Variants in ZZEF1 observed in about 807,000 individuals in gnomAD.
ZZEF1 encodes zinc finger ZZ-type and EF-hand domain-containing protein 1.
A neutral mutation model predicts 342.8 loss-of-function variants in ZZEF1; 157 were observed. The ratio of observed to expected loss-of-function variants is 0.46; its 90% CI spans 0.40 to 0.52. The LOEUF (loss-of-function observed/expected upper bound fraction) is 0.52, where lower values mean the gene tolerates loss of function less well. Ranked by LOEUF, ZZEF1 falls within the 20% of genes least tolerant of loss-of-function variation. The pLI is 0.00. For missense variants in ZZEF1, 3,480 were observed against 3,725.6 expected (o/e 0.93, Z 1.72); for synonymous variants, 1,505 against 1,429.1 (o/e 1.05, Z -1.20).
At chr17:4,057,097 T>C (rs947542229) in intron 32 of ZZEF1, among the ~76,000 whole-genome samples, 5 of 152,232 alleles carry the variant, frequency 3.3e-5, no homozygotes, top group African/African-American at 1.2e-4. Flanking sequence ...CCTACACTCA[T>C]ACTCAAGCTT....
chr17:4,023,478 G>A (rs1238046129), intron 43 of ZZEF1, among the ~76,000 whole-genome samples: 1 of 151,926 alleles, frequency 6.6e-6, no homozygotes, highest in African/African-American at 2.4e-5. Flanking sequence ...TTCCTACTAT[G>A]ATGTAAACAA....
intron 9 of ZZEF1, among the ~76,000 whole-genome samples, chr17:4,098,372 A>T (rs768747019): frequency 1.1e-4 from 16 of 152,046 alleles, no homozygotes; most frequent in Non-Finnish European, 2.4e-4. Context: ...TCATCACAAC[A>T]CTTCACTCCA....
rs1233694749 is a variant in ZZEF1 at position 4,004,471 on chromosome 17, TA to T, written c.*2418del. The T allele has an allele frequency of 6.6e-6, 1 of 152,322 alleles. No homozygotes were observed. The highest frequency in any genetic ancestry group is 1.5e-5 in the Non-Finnish European group (1 of 68,034). The allele number at this position is 152,322 out of a possible 1,614,324, so 9.4% of individuals were successfully genotyped here. ...ACCTTATTATATAGAATTTGTACAA[TA>T]TATTTCTTTTCGTTTGCATATTTTA... On this transcript the variant is annotated 3_prime_UTR_variant, in exon 55 of 55. Transcript: ENST00000381638.
intron 1 of ZZEF1, among the ~76,000 whole-genome samples, chr17:4,131,621 T>C (rs1033884992): frequency 6.6e-6 from 1 of 151,342 alleles, no homozygotes; most frequent in Non-Finnish European, 1.5e-5. Flanking sequence ...TCTACAAAAA[T>C]ATACAAAAAT....
intron 1 of ZZEF1, among the ~76,000 whole-genome samples, chr17:4,138,765 T>C (rs1211679955): frequency 6.6e-6 from 1 of 152,242 alleles, no homozygotes; most frequent in Admixed American, 6.5e-5. Context: ...TCTAGAATCA[T>C]ACTCTAAGAG....
chr17:4,085,651 G>T lies in ZZEF1; in HGVS notation c.2646+19C>A. On this transcript the variant is annotated intron_variant, in intron 16 of 54. Coordinates refer to ENST00000381638, the MANE Select transcript of ZZEF1 (RefSeq NM_015113.4). ...TCACAGACTTCAGACATTGAATCCAGACTTTTAGTAATAATTACCATCATG... is the reference window on the plus strand; with the variant it reads ...TCACAGACTTCAGACATTGAATCCATACTTTTAGTAATAATTACCATCATG... 6.2e-7 allele frequency: 1 copy of T among 1,613,294 alleles called. No homozygotes were observed. The highest frequency in any genetic ancestry group is 8.5e-7 in the Non-Finnish European group (1 of 1,179,474).
Position 4,033,624 on chromosome 17 carries a change from C to T in ZZEF1, c.6584+391G>A, listed in dbSNP as rs544739884. ...TCAGCCTCCCAAAGTGCTGGGATTA[C>T]AGATGTGAGCCACCGTGCCCAGCTT... On this transcript the variant is annotated intron_variant, in intron 40 of 54. Coordinates refer to ENST00000381638, the MANE Select transcript of ZZEF1 (RefSeq NM_015113.4). 9 of 210,660 alleles carry T rather than the reference C, an allele frequency of 4.3e-5. No individual in the cohort carries two copies. The South Asian group carries it at 6.6e-4, about 16-fold the overall frequency. The allele number at this position is 210,660 out of a possible 1,614,324, so 13.0% of individuals were successfully genotyped here.
chr17:4,046,790 GACACTGT>G (rs1321175118), intron 37 of ZZEF1, among the ~76,000 whole-genome samples: 1 of 152,170 alleles, frequency 6.6e-6, no homozygotes, highest in African/African-American at 2.4e-5. Flanking sequence ...GTTATCACAG[GACACTGT>G]AAACAGAATC....
At chr17:4,083,799 G>T (rs958085704) in intron 16 of ZZEF1, among the ~76,000 whole-genome samples, 2 of 151,910 alleles carry the variant, frequency 1.3e-5, no homozygotes, top group African/African-American at 4.8e-5. Context: ...CACCACGCCC[G>T]GCTTCCCTCC....
chr17:4,006,537 C>T lies in ZZEF1; in HGVS notation c.*353G>A, dbSNP rs113434498. 4.5e-5 allele frequency: 14 copies of T among 313,460 alleles called. No homozygotes were observed. The highest frequency in any genetic ancestry group is 1.1e-4 in the African/African-American group (5 of 45,022). 19.4% of individuals were successfully genotyped at this position (313,460 alleles called of 1,614,324 possible). ...GCAAGTGCAGGCAGTTCCAGCTCCA[C>T]GGAGACAGAAACCAGTTGAGAGAGG... On this transcript the variant is annotated 3_prime_UTR_variant, in exon 55 of 55. Coordinates refer to ENST00000381638, the MANE Select transcript of ZZEF1 (RefSeq NM_015113.4).
intron 9 of ZZEF1, among the ~76,000 whole-genome samples, 179 bp downstream of exon 9, chr17:4,102,137 CA>C (rs2058137627): frequency 6.6e-6 from 1 of 152,172 alleles, no homozygotes; most frequent in South Asian, 2.1e-4. Context: ...TTGTTATAGT[CA>C]TTGACACCTA....
intron 20 of ZZEF1, 39 bp downstream of exon 20, chr17:4,076,829 C>A: frequency 6.2e-7 from 1 of 1,613,208 alleles, no homozygotes; most frequent in Admixed American, 1.7e-5. Context: ...CCCCCAACCC[C>A]CTTCCGGTTC....
At position 4,077,008 on chromosome 17, in the gene ZZEF1, TAA is replaced by T. The variant is rs1314703349; in HGVS notation, c.2990-21_2990-20del. ...CCCACATCTACCGAAACAAAGAAAA[TAA>T]TTAATATATTATATAGTAGAAATGT... On this transcript the variant is annotated intron_variant, in intron 19 of 54. Transcript: ENST00000381638. 1 of 1,596,032 alleles carries T rather than the reference TAA, an allele frequency of 6.3e-7. No individual in the cohort carries two copies. The highest frequency in any genetic ancestry group is 1.4e-5 in the African/African-American group (1 of 73,680).
intron 2 of ZZEF1, 78 bp from the exon 3 acceptor site, chr17:4,117,244 G>GA: frequency 8.7e-7 from 1 of 1,143,320 alleles, no homozygotes; most frequent in Non-Finnish European, 1.2e-6. Flanking sequence ...TGGCCTATCT[G>GA]AATTGGCTAA....
chr17:4,077,051 C>T (rs2057636805), intron 19 of ZZEF1, 62 bp from the exon 20 acceptor site: 3 of 1,454,704 alleles, frequency 2.1e-6, no homozygotes, highest in East Asian at 5.1e-5. Context: ...GCTTGGTTAT[C>T]ACCACAGACA....
intron 33 of ZZEF1, among the ~76,000 whole-genome samples, chr17:4,054,463 A>G (rs550339379): frequency 1.3e-5 from 2 of 152,346 alleles, no homozygotes; most frequent in East Asian, 1.9e-4. Context: ...CAGAAGGTCA[A>G]AGAAGGTTTT....
intron 1 of ZZEF1, among the ~76,000 whole-genome samples, chr17:4,129,075 A>G (rs2058623705): frequency 6.6e-6 from 1 of 152,052 alleles, no homozygotes; most frequent in South Asian, 2.1e-4. Flanking sequence ...CCCAAAAAAC[A>G]TTTTTAATAC....
intron 2 of ZZEF1, among the ~76,000 whole-genome samples, chr17:4,120,372 AT>A (rs201649498): frequency 1.9e-4 from 29 of 151,654 alleles, no homozygotes; most frequent in East Asian, 1.4e-3. Context: ...AAAAAAAAAA[AT>A]GTTCCTTTAG....
At chr17:4,098,241 C>CAAAA (rs61342066) in intron 9 of ZZEF1, among the ~76,000 whole-genome samples, 5 of 103,382 alleles carry the variant, frequency 4.8e-5, no homozygotes, top group Non-Finnish European at 7.6e-5. Flanking sequence ...GACTCCAACT[C>CAAAA]AAAAAAAAAA....
Sources: allele counts gnomAD v4.1 joint callset (sites outside exome capture counted in the v4.1 genomes callset), GRCh38; gene constraint gnomAD v4.1.1; transcripts MANE v1.5; gene names NCBI Gene and HGNC (gene_info 2026-07-23, HGNC 2026-07-21).